Variants in ZNF804B observed in about 807,000 individuals in gnomAD.
ZNF804B encodes the protein zinc finger protein 804B.
A neutral mutation model predicts 101.4 loss-of-function variants in ZNF804B; 80 were observed. The ratio of observed to expected loss-of-function variants is 0.79; its 90% CI spans 0.66 to 0.95. The LOEUF (loss-of-function observed/expected upper bound fraction) is 0.95. ZNF804B is among the 40% of genes least tolerant of loss of function. ZNF804B has a pLI of 0.00. For missense variants in ZNF804B, 1,673 were observed against 1,561.9 expected (o/e 1.07, Z -1.20); for synonymous variants, 622 against 558.8 (o/e 1.11, Z -1.59).
chr7:89,100,008 G>C (rs1461621286), intron 1 of ZNF804B, among the ~76,000 whole-genome samples: 1 of 152,150 alleles, frequency 6.6e-6, no homozygotes, highest in East Asian at 1.9e-4. Flanking sequence ...CTAGGTAGAG[G>C]TTAACAAGGT....
At chr7:88,813,724 C>G (rs1790829086) in intron 1 of ZNF804B, among the ~76,000 whole-genome samples, 1 of 152,094 alleles carries the variant, frequency 6.6e-6, no homozygotes, top group Non-Finnish European at 1.5e-5. Context: ...AAGTCATACC[C>G]GTCCTTTTTG....
In ZNF804B at chr7:89,334,391, G is replaced by C; in HGVS notation, c.1409G>C (p.Cys470Ser). The C allele has an allele frequency of 1.2e-6, 2 of 1,613,716 alleles. No homozygotes were observed. The highest frequency in any genetic ancestry group is 1.7e-6 in the Non-Finnish European group (2 of 1,179,828). Residue 470 changes from cysteine to serine, a missense_variant, in exon 4 of 4, where the codon TGT (cysteine) becomes TCT (serine). By Grantham distance (112) the Cys-to-Ser change is moderately radical (BLOSUM62 -1). Transcript: ENST00000333190. ...ELLLFTKTEP[C>S]ISYGCNPLYF... is the part of the protein sequence containing the mutation. ...CTGCTCTTTACAAAAACAGAACCCT[G>C]TATCTCTTATGGCTGCAACCCACTG...
intron 2 of ZNF804B, among the ~76,000 whole-genome samples, chr7:89,237,832 T>A (rs2115754980): frequency 6.6e-6 from 1 of 152,280 alleles, no homozygotes; most frequent in African/African-American, 2.4e-5. Context: ...CATATACAAT[T>A]GCTTTATTCC....
Position 89,310,050 on chromosome 7 carries a change from A to C in ZNF804B, c.250-17294A>C, listed in dbSNP as rs539819148. On this transcript the variant is annotated intron_variant, in intron 2 of 3. Transcript: ENST00000333190. ...ACAAGTCGTGTGAGAGTGGAAGTCT[A>C]CTCAGGTTGACTTCCAAAGCTGTTG... Among the ~76,000 whole-genome samples the C allele has an allele frequency of 2.7e-5, 4 of 150,924 alleles. No individual in the cohort carries two copies. The Admixed American group carries it at 2.7e-4, about 10-fold the overall frequency.
At chr7:88,924,573 G>C (rs186889705) in intron 1 of ZNF804B, among the ~76,000 whole-genome samples, 1 of 152,050 alleles carries the variant, frequency 6.6e-6, no homozygotes, top group African/African-American at 2.4e-5. Flanking sequence ...CAGCTACTCT[G>C]ATTTCCTGAC....
chr7:89,315,010 A>G (rs1398278165), intron 2 of ZNF804B, among the ~76,000 whole-genome samples: 1 of 152,194 alleles, frequency 6.6e-6, no homozygotes, highest in Non-Finnish European at 1.5e-5. Context: ...TATAAAGAAA[A>G]GAGGTTTAAT....
Position 88,797,141 on chromosome 7 carries a change from G to A in ZNF804B, c.108+37057G>A, listed in dbSNP as rs1052270415. ...TAAATTAACATGTTTTTTCCTCTCA[G>A]TTCCCAGGCCAAAATCCTTGGTATT... On this transcript the variant is annotated intron_variant, in intron 1 of 3. Coordinates refer to ENST00000333190, the MANE Select transcript of ZNF804B (RefSeq NM_181646.5). 1.3e-4 allele frequency among the ~76,000 whole-genome samples: 19 copies of A among 151,864 alleles called. 1 individual carries two copies. Among genetic ancestry groups the A allele is most frequent in the Admixed American group, 7.2e-4 (11 of 15,252 alleles).
At chr7:89,127,522 A>G (rs138026160) in intron 1 of ZNF804B, among the ~76,000 whole-genome samples, 250 of 151,950 alleles carry the variant, frequency 1.6e-3, no homozygotes, top group Admixed American at 3.5e-3. Flanking sequence ...AGGTCAGAGT[A>G]TGTCTTTGCA....
intron 2 of ZNF804B, among the ~76,000 whole-genome samples, chr7:89,220,018 T>C (rs71539400): frequency 0.25 from 10,186 of 40,656 alleles, 2,342 homozygotes; most frequent in Non-Finnish European, 0.31. Flanking sequence ...TATATGTGTG[T>C]ATACATATAT....
intron 1 of ZNF804B, among the ~76,000 whole-genome samples, chr7:88,917,762 CA>C (rs1209134293): frequency 6.6e-6 from 1 of 152,144 alleles, no homozygotes; most frequent in Non-Finnish European, 1.5e-5. Context: ...TGTTCATTGC[CA>C]CAATATTCTA....
chr7:89,247,145 T>A (rs775623871), intron 2 of ZNF804B, among the ~76,000 whole-genome samples: 46 of 152,212 alleles, frequency 3.0e-4, no homozygotes, highest in Non-Finnish European at 3.8e-4. Context: ...TCCACACACC[T>A]AGGCACACCT....
chr7:89,324,731 A>G (rs1413214618), intron 2 of ZNF804B, among the ~76,000 whole-genome samples: 1 of 149,014 alleles, frequency 6.7e-6, no homozygotes, highest in Non-Finnish European at 1.5e-5. Context: ...AGTTCATAGT[A>G]TATTTTTCTT....
At chr7:88,909,336 C>A (rs113428438) in intron 1 of ZNF804B, among the ~76,000 whole-genome samples, 2,066 of 151,870 alleles carry the variant, frequency 0.014, 28 homozygotes, top group Admixed American at 0.031. Context: ...TGCCTATATT[C>A]CAATTGCTAA....
intron 1 of ZNF804B, among the ~76,000 whole-genome samples, chr7:88,872,704 G>A (rs1791853151): frequency 6.6e-6 from 1 of 151,042 alleles, no homozygotes; most frequent in Admixed American, 6.6e-5. Context: ...CCACCTATGA[G>A]TGAGAATATG....
intron 1 of ZNF804B, among the ~76,000 whole-genome samples, chr7:89,019,027 G>A (rs1197554579): frequency 4.0e-5 from 6 of 151,592 alleles, no homozygotes; most frequent in Non-Finnish European, 7.4e-5. Context: ...ACCAGTTTTC[G>A]GTTTGCTTTA....
chr7:89,055,070 G>T (rs369291022), intron 1 of ZNF804B, among the ~76,000 whole-genome samples: 1 of 152,054 alleles, frequency 6.6e-6, no homozygotes. Flanking sequence ...AGAGTGATGG[G>T]GTGAAAGTGA....
intron 1 of ZNF804B, among the ~76,000 whole-genome samples, chr7:89,071,761 T>A (rs11971164): frequency 0.46 from 68,671 of 147,934 alleles, 16,423 homozygotes; most frequent in Non-Finnish European, 0.54. Flanking sequence ...AAGTAGTAGA[T>A]ATTTATGCAC....
In ZNF804B at chr7:89,336,812, A is replaced by G. The variant is rs1172286320; in HGVS notation, c.3830A>G (p.His1277Arg). Residue 1277 changes from histidine (H) to arginine (R), a missense_variant, in exon 4 of 4, where the codon CAC (histidine) becomes CGC (arginine). His to Arg is a conservative substitution (Grantham distance 29). Coordinates refer to ENST00000333190, the MANE Select transcript of ZNF804B (RefSeq NM_181646.5). ...PLHLVAATPF[H>R]PSHITLQPLP... Reference sequence around the variant, plus strand: ...CATTTAGTAGCTGCTACCCCCTTCCACCCATCTCACATAACACTTCAGCCT... The same window carrying G: ...CATTTAGTAGCTGCTACCCCCTTCCGCCCATCTCACATAACACTTCAGCCT... The G allele has an allele frequency of 1.2e-6, 2 of 1,613,544 alleles. No individual in the cohort carries two copies. The highest frequency in any genetic ancestry group is 8.5e-7 in the Non-Finnish European group (1 of 1,179,856).
chr7:89,015,239 G>C (rs1469967818), intron 1 of ZNF804B, among the ~76,000 whole-genome samples: 1 of 150,260 alleles, frequency 6.7e-6, no homozygotes, highest in African/African-American at 2.4e-5. Flanking sequence ...ATTCTGTTTT[G>C]GTTCACATAA....
Sources: gnomAD v4.1 joint callset for allele counts (sites outside exome capture counted in the v4.1 genomes callset) on GRCh38, gnomAD v4.1.1 for gene constraint, MANE v1.5 for transcripts, NCBI Gene and HGNC (gene_info 2026-07-23, HGNC 2026-07-21) for gene names.